Variants in BRD9 observed in about 807,000 individuals in gnomAD.
The protein encoded by BRD9 is bromodomain containing 9.
A neutral mutation model predicts 68.7 loss-of-function variants in BRD9; 47 were observed. That is an observed-to-expected ratio of 0.68 (90% confidence interval 0.54 to 0.87). The LOEUF is 0.87. Among genes scored for constraint, BRD9 ranks in the 40% least tolerant of loss-of-function variants. BRD9 has a pLI of 0.00. For synonymous variants in BRD9, 313 were observed against 293.9 expected (o/e 1.06, Z -0.67); for missense variants, 670 against 748.4 (o/e 0.90, Z 1.22).
In BRD9 at chr5:892,726, A is replaced by G. The variant is rs1343004686; in HGVS notation, c.-69T>C. 2.4e-6 allele frequency: 3 copies of G among 1,268,464 alleles called. No homozygotes were observed. Among genetic ancestry groups the G allele is most frequent in the Non-Finnish European group, 3.0e-6 (3 of 1,000,816 alleles). 78.6% of individuals were successfully genotyped at this position (1,268,464 alleles called of 1,614,324 possible). A position where few individuals can be genotyped will look rare whatever the true frequency, so the allele number is the denominator to read the frequency against. ...GGCACCCGGTCGGACCTTGGCCGCC[A>G]CCGCCCCCTGGCCCTGGCTGGCCGC... On this transcript the variant is annotated 5_prime_UTR_variant, in exon 1 of 16. Coordinates refer to ENST00000467963, the MANE Select transcript of BRD9 (RefSeq NM_023924.5).
intron 14 of BRD9, among the ~76,000 whole-genome samples, chr5:868,306 T>C (rs1308397320): frequency 6.6e-6 from 1 of 152,208 alleles, no homozygotes; most frequent in African/African-American, 2.4e-5. Context: ...GGTGGTTCTT[T>C]ATAACAGTGT....
rs1478188058 is a variant in BRD9 at position 880,533 on chromosome 5, C to A, written c.1042+574G>T. ...AGCGAGGGAAGCAGGAATCTAGAGG[C>A]AACCCGTGCCAGGCTGCACGTTCCT... On this transcript the variant is annotated intron_variant, in intron 9 of 15. Coordinates refer to ENST00000467963, the MANE Select transcript of BRD9 (RefSeq NM_023924.5). 5.3e-5 allele frequency among the ~76,000 whole-genome samples: 8 copies of A among 152,102 alleles called. No homozygotes were observed. In the South Asian group the frequency reaches 1.4e-3, roughly 28 times the overall value.
chr5:889,872 C>T (rs185059969), intron 3 of BRD9: 43 of 842,632 alleles, frequency 5.1e-5, no homozygotes, highest in Admixed American at 3.2e-4. Context: ...TTGTAATAAC[C>T]GGTAGCCCTT....
intron 14 of BRD9, chr5:870,265 T>G: frequency 1.8e-6 from 1 of 544,994 alleles, no homozygotes. Context: ...CCACTTCTCA[T>G]TAGCTTAAAA....
At chr5:881,948 C>G (rs1037338085) in intron 8 of BRD9, 2 of 152,628 alleles carry the variant, frequency 1.3e-5, no homozygotes, top group Non-Finnish European at 2.9e-5. Context: ...TGGGCGGAAC[C>G]CACGGGGCAC....
Position 864,300 on chromosome 5 carries a change from G to A in BRD9, c.*168C>T, listed in dbSNP as rs1319910883. The A allele has an allele frequency of 1.1e-5, 6 of 543,974 alleles. No individual in the cohort carries two copies. The highest frequency in any genetic ancestry group is 1.9e-5 in the Non-Finnish European group (6 of 309,040). 33.7% of individuals were successfully genotyped at this position (543,974 alleles called of 1,614,324 possible). The stretch of plus-strand genomic sequence containing the variant: ...GACTCCACTCCTCAGGGTTCGTGGG[G>A]CTTGGAGACTCTGCTGACATGATAC... On this transcript the variant is annotated 3_prime_UTR_variant, in exon 16 of 16. Coordinates refer to ENST00000467963, the MANE Select transcript of BRD9 (RefSeq NM_023924.5).
At chr5:870,314 C>G in intron 14 of BRD9, 159 bp downstream of exon 14, 1 of 613,192 alleles carries the variant, frequency 1.6e-6, no homozygotes, top group Non-Finnish European at 2.9e-6. Context: ...ATTTTAGGAG[C>G]TATGGTCCAA....
chr5:884,178 C>T, intron 7 of BRD9, 108 bp from the exon 8 acceptor site: 1 of 1,355,052 alleles, frequency 7.4e-7, no homozygotes, highest in Non-Finnish European at 1.0e-6. Flanking sequence ...CCCTCAGACA[C>T]AGAGCTGGCA....
intron 8 of BRD9, 192 bp downstream of exon 8, chr5:883,746 G>A: frequency 1.3e-6 from 1 of 759,546 alleles, no homozygotes; most frequent in Non-Finnish European, 2.1e-6. Flanking sequence ...CGGCAGCCCT[G>A]CCAGAGGCAC....
intron 3 of BRD9, 174 bp from the exon 4 acceptor site, chr5:889,821 G>C: frequency 7.2e-7 from 1 of 1,384,994 alleles, no homozygotes; most frequent in South Asian, 1.2e-5. Flanking sequence ...AGCTCAGCCG[G>C]GTAGAAAGGG....
intron 9 of BRD9, 24 bp downstream of exon 9, chr5:881,083 A>C (rs1751674385): frequency 1.5e-5 from 24 of 1,612,584 alleles, no homozygotes; most frequent in Non-Finnish European, 2.0e-5. Context: ...GAGAGCATAA[A>C]GCCAGCCCTG....
Position 864,364 on chromosome 5 carries a change from A to G in BRD9, c.*104T>C, listed in dbSNP as rs1170855943. 3.1e-6 allele frequency: 3 copies of G among 973,770 alleles called. No individual in the cohort carries two copies. The East Asian group carries it at 8.2e-5, about 27-fold the overall frequency. 60.3% of individuals were successfully genotyped at this position (973,770 alleles called of 1,614,324 possible). A position where few individuals can be genotyped will look rare whatever the true frequency, so the allele number is the denominator to read the frequency against. The stretch of plus-strand genomic sequence containing the variant: ...TTACCTCCCCGCGGCTGCTTCCCGC[A>G]TGCCAAAGGGGACAGGATCAAAGTC... On this transcript the variant is annotated 3_prime_UTR_variant, in exon 16 of 16. Coordinates refer to ENST00000467963, the MANE Select transcript of BRD9 (RefSeq NM_023924.5).
intron 5 of BRD9, among the ~76,000 whole-genome samples, chr5:888,002 T>C (rs1399283918): frequency 6.6e-6 from 1 of 152,236 alleles, no homozygotes; most frequent in Non-Finnish European, 1.5e-5. Context: ...ATCAGTATTT[T>C]ATTATGAGAG....
intron 3 of BRD9, chr5:889,931 A>T: frequency 2.4e-6 from 1 of 413,054 alleles, no homozygotes; most frequent in Non-Finnish European, 4.6e-6. Flanking sequence ...AGCTCATACC[A>T]CTACTCTAGA....
rs368845115 is a variant in BRD9 at position 864,203 on chromosome 5, C to T, written c.*265G>A. On this transcript the variant is annotated 3_prime_UTR_variant, in exon 16 of 16. Coordinates refer to ENST00000467963, the MANE Select transcript of BRD9 (RefSeq NM_023924.5). ...CACACGCCCTTCGTGTATGACTCCA[C>T]TCCTCAGGGTTCACGGGGCTGTGTA... The T allele has an allele frequency of 1.0e-3, 307 of 298,154 alleles. 3 individuals carry two copies. Among genetic ancestry groups the T allele is most frequent in the South Asian group, 9.9e-3 (237 of 24,010 alleles). The allele number at this position is 298,154 out of a possible 1,614,324, so 18.5% of individuals were successfully genotyped here.
Position 870,531 on chromosome 5 carries a change from G to C in BRD9, c.1467C>G (p.Phe489Leu). 2 of 1,614,196 alleles carry C rather than the reference G, an allele frequency of 1.2e-6. No homozygotes were observed. Among genetic ancestry groups the C allele is most frequent in the Non-Finnish European group, 1.7e-6 (2 of 1,180,038 alleles). The change falls in exon 14 of 16, where the codon TTC becomes TTG. Residue 489 changes from phenylalanine to leucine, a missense_variant. Transcript: ENST00000467963. Reference protein sequence around the residue: ...LGDSSSSVLEFMSMKSYPDVS... With the variant: ...LGDSSSSVLELMSMKSYPDVS... Reference sequence around the variant, plus strand: ...CGTCGGGATAGGACTTCATCGACATGAACTCCAGAACAGAGCTGCTGCTGT... The same window carrying C: ...CGTCGGGATAGGACTTCATCGACATCAACTCCAGAACAGAGCTGCTGCTGT...
At chr5:871,852 C>T (rs1424313448) in intron 12 of BRD9, among the ~76,000 whole-genome samples, 3 of 152,224 alleles carry the variant, frequency 2.0e-5, no homozygotes, top group Non-Finnish European at 2.9e-5. Context: ...GATGCTGTTT[C>T]GGCAGCCTTG....
intron 4 of BRD9, 141 bp from the exon 5 acceptor site, chr5:889,306 T>A (rs1188916385): frequency 2.0e-6 from 2 of 997,184 alleles, no homozygotes; most frequent in Non-Finnish European, 2.9e-6. Flanking sequence ...TAATTTATTG[T>A]GATAGGTATT....
chr5:891,369 A>AC, intron 2 of BRD9, 82 bp from the exon 3 acceptor site: 1 of 1,491,792 alleles, frequency 6.7e-7, no homozygotes, highest in Admixed American at 2.2e-5. Context: ...CGCAGTTCTC[A>AC]GGGGAGGGAC....
Sources: gnomAD v4.1 joint callset for allele counts (sites outside exome capture counted in the v4.1 genomes callset) on GRCh38, gnomAD v4.1.1 for gene constraint, MANE v1.5 for transcripts, NCBI Gene and HGNC (gene_info 2026-07-23, HGNC 2026-07-21) for gene names.